MAGI2: variants seen among roughly 807,000 people sequenced by gnomAD.
MAGI2 encodes membrane associated guanylate kinase, WW and PDZ domain containing 2.
MAGI2 carries 35 observed loss-of-function variants against 133.3 expected under a neutral mutation model. The observed-to-expected ratio is 0.26, with a 90% CI of 0.20 to 0.35. The LOEUF is 0.35. Among genes scored for constraint, MAGI2 ranks in the 10% least tolerant of loss-of-function variants. The pLI, the probability that MAGI2 is intolerant of heterozygous loss-of-function variation, is 1.00. For missense variants in MAGI2, 1,636 were observed against 1,863.4 expected (o/e 0.88, Z 2.25); for synonymous variants, 729 against 710.6 (o/e 1.03, Z -0.41).
At chr7:78,534,156 A>T (rs1391752608) in intron 3 of MAGI2, among the ~76,000 whole-genome samples, 1 of 152,214 alleles carries the variant, frequency 6.6e-6, no homozygotes, top group Non-Finnish European at 1.5e-5. Flanking sequence ...AATATTAATC[A>T]AAAAATCACA....
At position 78,133,033 on chromosome 7, in the gene MAGI2, C is replaced by G; in HGVS notation, c.3059G>C (p.Ser1020Thr). 2 of 1,585,172 alleles carry G rather than the reference C, an allele frequency of 1.3e-6. No homozygotes were observed. The highest frequency in any genetic ancestry group is 2.3e-5 in the South Asian group (2 of 86,506). The change falls in exon 18 of 22, where the codon AGC becomes ACC. Residue 1020 changes from serine to threonine, a missense_variant. Ser to Thr is a moderately conservative substitution (Grantham distance 58). Coordinates refer to ENST00000354212, the MANE Select transcript of MAGI2 (RefSeq NM_012301.4). ...EELNSPTSAPSSEKQSPMAQQ... is the reference protein window; with the variant it reads ...EELNSPTSAPTSEKQSPMAQQ... ...CGCCATGGGACTCTGCTTCTCTGAG[C>G]TGGGTGCCGAGGTGGGGCTGTTGAG... is the stretch of plus-strand genomic sequence containing the variant.
At chr7:79,223,827 G>T (rs1830639378) in intron 1 of MAGI2, among the ~76,000 whole-genome samples, 2 of 151,954 alleles carry the variant, frequency 1.3e-5, no homozygotes, top group African/African-American at 2.4e-5. Flanking sequence ...GATGACAATG[G>T]CACCTCCTTC....
intron 1 of MAGI2, among the ~76,000 whole-genome samples, chr7:79,070,099 C>T (rs1159595564): frequency 1.3e-5 from 2 of 152,056 alleles, no homozygotes; most frequent in Non-Finnish European, 2.9e-5. Context: ...TTGCTCTTCT[C>T]AAGGAGTATC....
intron 2 of MAGI2, among the ~76,000 whole-genome samples, chr7:78,803,953 G>A (rs1788298209): frequency 6.6e-6 from 1 of 152,190 alleles, no homozygotes; most frequent in Non-Finnish European, 1.5e-5. Context: ...GTTATGTCAT[G>A]TCCTGTTACC....
At chr7:78,161,134 T>C (rs1193873143) in intron 15 of MAGI2, among the ~76,000 whole-genome samples, 1 of 152,124 alleles carries the variant, frequency 6.6e-6, no homozygotes, top group Admixed American at 6.5e-5. Context: ...ATTTTTACAG[T>C]CCATCTTAAT....
chr7:78,873,914 GA>G (rs555530515), intron 2 of MAGI2, among the ~76,000 whole-genome samples: 23 of 149,318 alleles, frequency 1.5e-4, no homozygotes, highest in African/African-American at 4.4e-4. Flanking sequence ...ATGTAGAAAA[GA>G]AAAAAAAAGT....
chr7:78,301,319 G>A (rs571433852), intron 9 of MAGI2, among the ~76,000 whole-genome samples: 1 of 151,846 alleles, frequency 6.6e-6, no homozygotes, highest in East Asian at 1.9e-4. Flanking sequence ...GTAAATTTCA[G>A]AAAAAAAACC....
Position 79,412,706 on chromosome 7 carries a change from C to T in MAGI2, c.301+40314G>A, listed in dbSNP as rs1846223798. ...ACTGGTTTGTTTTGGATTTGTAACA[C>T]AATAATTTCACATTTGTGTACAACA... is the stretch of plus-strand genomic sequence containing the variant. On this transcript the variant is annotated intron_variant, in intron 1 of 21. Transcript: ENST00000354212. 2.6e-5 allele frequency: 4 copies of T among 152,084 alleles called. No individual in the cohort carries two copies. In the South Asian group the frequency reaches 8.3e-4, roughly 32 times the overall value. 9.4% of individuals were successfully genotyped at this position (152,084 alleles called of 1,614,324 possible).
chr7:78,233,765 C>G (rs1003516701), intron 10 of MAGI2, among the ~76,000 whole-genome samples: 3 of 151,988 alleles, frequency 2.0e-5, no homozygotes, highest in Non-Finnish European at 4.4e-5. Context: ...GAAGTGGTTC[C>G]CTGAGTGACT....
intron 1 of MAGI2, among the ~76,000 whole-genome samples, chr7:79,449,935 C>T (rs1849127787): frequency 7.2e-6 from 1 of 138,938 alleles, no homozygotes; most frequent in South Asian, 2.2e-4. Flanking sequence ...AGGAGCTCAC[C>T]TCCTTTTAAA....
intron 6 of MAGI2, among the ~76,000 whole-genome samples, chr7:78,458,932 C>A (rs1789662453): frequency 6.6e-6 from 1 of 152,168 alleles, no homozygotes; most frequent in East Asian, 1.9e-4. Context: ...CTGGGCCGGG[C>A]TCATTACTTT....
chr7:78,709,520 A>G (rs982735147), intron 2 of MAGI2, among the ~76,000 whole-genome samples: 5 of 152,150 alleles, frequency 3.3e-5, no homozygotes, highest in Non-Finnish European at 7.3e-5. Flanking sequence ...TAGAGCATTC[A>G]TCATACTTTT....
At chr7:78,028,954 A>G (rs1336671237) in intron 21 of MAGI2, among the ~76,000 whole-genome samples, 2 of 152,100 alleles carry the variant, frequency 1.3e-5, no homozygotes, top group Non-Finnish European at 2.9e-5. Flanking sequence ...CCACTAAGCT[A>G]GTAAGTGAGA....
chr7:78,149,830 T>C (rs1823698470), intron 16 of MAGI2, among the ~76,000 whole-genome samples: 1 of 152,194 alleles, frequency 6.6e-6, no homozygotes. Flanking sequence ...ACCCAACATC[T>C]GGCCATTTTT....
intron 1 of MAGI2, among the ~76,000 whole-genome samples, chr7:79,182,420 T>G (rs1826702471): frequency 6.6e-6 from 1 of 151,918 alleles, no homozygotes; most frequent in South Asian, 2.1e-4. Flanking sequence ...CAAGACTTAT[T>G]CACCATCATG....
chr7:79,181,245 T>C (rs1826595630), intron 1 of MAGI2, among the ~76,000 whole-genome samples: 1 of 151,798 alleles, frequency 6.6e-6, no homozygotes, highest in South Asian at 2.1e-4. Flanking sequence ...TAGAAGAGGG[T>C]CTCCATGAGG....
chr7:78,514,392 A>T (rs1795868951), intron 4 of MAGI2, among the ~76,000 whole-genome samples: 1 of 152,154 alleles, frequency 6.6e-6, no homozygotes, highest in Admixed American at 6.5e-5. Context: ...TAGGGCAGTT[A>T]TAACTTTCAA....
chr7:79,046,651 TAGTA>T, intron 1 of MAGI2, among the ~76,000 whole-genome samples: 1 of 152,184 alleles, frequency 6.6e-6, no homozygotes, highest in East Asian at 1.9e-4. Flanking sequence ...GTGATAAAAT[TAGTA>T]AGATGTAAAG....
At chr7:78,652,939 G>T (rs998310745) in intron 2 of MAGI2, among the ~76,000 whole-genome samples, 4 of 150,474 alleles carry the variant, frequency 2.7e-5, no homozygotes, top group African/African-American at 9.8e-5. Flanking sequence ...AATTTACAAG[G>T]GAAAAAAAAA....
Sources: gnomAD v4.1 joint callset for allele counts (sites outside exome capture counted in the v4.1 genomes callset) on GRCh38, gnomAD v4.1.1 for gene constraint, MANE v1.5 for transcripts, NCBI Gene and HGNC (gene_info 2026-07-23, HGNC 2026-07-21) for gene names.